FHOD3: variants seen among roughly 807,000 people sequenced by gnomAD.
The protein encoded by FHOD3 is formin homology 2 domain containing 3, also known as FH1/FH2 domain-containing protein 3.
In FHOD3, 90 loss-of-function variants were observed where a neutral mutation model predicts 173.0. That is an observed-to-expected ratio of 0.52 (90% CI 0.44 to 0.62). FHOD3 has a LOEUF of 0.62. FHOD3 is among the 20% of genes least tolerant of loss of function. The pLI is 0.00. For missense variants in FHOD3, 1,945 were observed against 2,034.7 expected (o/e 0.96, Z 0.85); for synonymous variants, 828 against 823.0 (o/e 1.01, Z -0.10).
At chr18:36,743,945 C>A in intron 22 of FHOD3, 87 bp from the exon 23 acceptor site, 1 of 1,446,866 alleles carries the variant, frequency 6.9e-7, no homozygotes, top group Non-Finnish European at 9.6e-7. Context: ...TGTTGGGTGA[C>A]TGCAGCCAAG....
chr18:36,402,068 A>C (rs781032172), intron 3 of FHOD3, among the ~76,000 whole-genome samples: 1 of 152,194 alleles, frequency 6.6e-6, no homozygotes, highest in African/African-American at 2.4e-5. Flanking sequence ...GGTGCTTTTA[A>C]AATTGTGATT....
At chr18:36,459,574 A>G (rs1055314275) in intron 3 of FHOD3, among the ~76,000 whole-genome samples, 5 of 152,214 alleles carry the variant, frequency 3.3e-5, no homozygotes, top group African/African-American at 1.2e-4. Flanking sequence ...GACTCTAGCC[A>G]ACTTCTGTCA....
At chr18:36,582,751 G>C (rs1444949655) in intron 6 of FHOD3, among the ~76,000 whole-genome samples, 6 of 152,160 alleles carry the variant, frequency 3.9e-5, no homozygotes, top group African/African-American at 1.4e-4. Flanking sequence ...TATGGTAGCT[G>C]GGATGCGATG....
chr18:36,768,225 C>T (rs777461919), intron 27 of FHOD3, among the ~76,000 whole-genome samples: 3 of 152,122 alleles, frequency 2.0e-5, no homozygotes, highest in Non-Finnish European at 2.9e-5. Context: ...TATTCACTAT[C>T]GTATAGAAGA....
intron 3 of FHOD3, among the ~76,000 whole-genome samples, chr18:36,467,067 G>A (rs2052988731): frequency 6.6e-6 from 1 of 152,126 alleles, no homozygotes; most frequent in Non-Finnish European, 1.5e-5. Flanking sequence ...CTGTGGGCTG[G>A]TTTCTTCAGG....
intron 5 of FHOD3, among the ~76,000 whole-genome samples, chr18:36,542,024 AC>A: frequency 6.6e-6 from 1 of 152,350 alleles, no homozygotes; most frequent in East Asian, 1.9e-4. Flanking sequence ...TCCAGTCTTC[AC>A]CAGCCCCACA....
At chr18:36,641,089 G>T (rs540344288) in intron 10 of FHOD3, among the ~76,000 whole-genome samples, 1 of 152,230 alleles carries the variant, frequency 6.6e-6, no homozygotes, top group South Asian at 2.1e-4. Flanking sequence ...AAGAGCCTCT[G>T]TGCCGAACGC....
intron 5 of FHOD3, among the ~76,000 whole-genome samples, chr18:36,552,699 T>A (rs1480792572): frequency 1.3e-5 from 2 of 151,920 alleles, no homozygotes; most frequent in Non-Finnish European, 2.9e-5. Context: ...GGGGTTTCAC[T>A]GTGTTAGCCA....
chr18:36,490,179 G>A (rs979949904), intron 3 of FHOD3, among the ~76,000 whole-genome samples: 2 of 152,138 alleles, frequency 1.3e-5, no homozygotes, highest in Admixed American at 6.5e-5. Context: ...ACCATTCTTT[G>A]ATTCTGGGAG....
At chr18:36,442,122 A>T (rs1413259650) in intron 3 of FHOD3, among the ~76,000 whole-genome samples, 1 of 152,168 alleles carries the variant, frequency 6.6e-6, no homozygotes, top group East Asian at 1.9e-4. Flanking sequence ...TGGACATTCC[A>T]TGTGTTCTGA....
intron 18 of FHOD3, chr18:36,711,085 A>C (rs1012367196): frequency 6.6e-6 from 1 of 152,242 alleles, no homozygotes; most frequent in Admixed American, 6.5e-5. Context: ...GGCAATGTCC[A>C]AGTATTTAGA....
At chr18:36,758,943 A>G (rs957295384) in intron 25 of FHOD3, among the ~76,000 whole-genome samples, 175 bp from the exon 26 acceptor site, 2 of 152,192 alleles carry the variant, frequency 1.3e-5, no homozygotes, top group Non-Finnish European at 2.9e-5. Context: ...CCAGATGAGG[A>G]CAAGAGGGTG....
At chr18:36,320,189 C>G (rs954680215) in intron 1 of FHOD3, among the ~76,000 whole-genome samples, 37 of 152,176 alleles carry the variant, frequency 2.4e-4, no homozygotes, top group African/African-American at 8.4e-4. Flanking sequence ...ATCAATGAAT[C>G]CAGGAGCTGG....
At chr18:36,500,511 A>G (rs546628915) in intron 3 of FHOD3, among the ~76,000 whole-genome samples, 13 of 152,324 alleles carry the variant, frequency 8.5e-5, no homozygotes, top group Non-Finnish European at 1.6e-4. Flanking sequence ...CAATGACGTG[A>G]CATTGTTTTG....
At chr18:36,645,542 A>G (rs2035621776) in intron 10 of FHOD3, among the ~76,000 whole-genome samples, 1 of 152,238 alleles carries the variant, frequency 6.6e-6, no homozygotes, top group African/African-American at 2.4e-5. Context: ...GTCCAGATCC[A>G]TCTCTCCCTT....
chr18:36,775,946 C>A, intron 28 of FHOD3, among the ~76,000 whole-genome samples: 1 of 152,194 alleles, frequency 6.6e-6, no homozygotes, highest in East Asian at 1.9e-4. Context: ...GAGGCCGTCC[C>A]GTGGGAAAGG....
intron 1 of FHOD3, among the ~76,000 whole-genome samples, chr18:36,321,432 C>T (rs2044387889): frequency 6.6e-6 from 1 of 152,182 alleles, no homozygotes; most frequent in African/African-American, 2.4e-5. Flanking sequence ...GGACACAGCT[C>T]AGCTTGCATG....
intron 3 of FHOD3, among the ~76,000 whole-genome samples, chr18:36,449,893 C>T (rs763860628): frequency 3.6e-4 from 55 of 151,788 alleles, no homozygotes; most frequent in South Asian, 8.4e-4. Context: ...ATTTCTTTTT[C>T]GGAATTTGAA....
In FHOD3 at chr18:36,637,635, G is replaced by A. The variant is rs551750195; in HGVS notation, c.1197-11681G>A. On this transcript the variant is annotated intron_variant, in intron 10 of 28. Transcript: ENST00000590592. ...GAACATGAACCTTACAAAACATACA[G>A]TTTCATAAGACAGAGTGCAAATATT... Among the ~76,000 whole-genome samples, 50 of 152,318 alleles carry A rather than the reference G, an allele frequency of 3.3e-4. No homozygotes were observed. In the Middle Eastern group the frequency reaches 0.027, roughly 83 times the overall value.
Sources: gnomAD v4.1 joint callset for allele counts (sites outside exome capture counted in the v4.1 genomes callset) on GRCh38, gnomAD v4.1.1 for gene constraint, MANE v1.5 for transcripts, NCBI Gene and HGNC (gene_info 2026-07-23, HGNC 2026-07-21) for gene names.